ERBB4: variants seen among roughly 807,000 people sequenced by gnomAD.
ERBB4 encodes the protein erb-b2 receptor tyrosine kinase 4, also known as receptor tyrosine-protein kinase erbB-4.
A neutral mutation model predicts 158.0 loss-of-function variants in ERBB4; 42 were observed. That is an observed-to-expected ratio of 0.27 (90% confidence interval 0.21 to 0.34). ERBB4 has a LOEUF of 0.34. Among genes scored for constraint, ERBB4 ranks in the 10% least tolerant of loss-of-function variants. The pLI, the probability that ERBB4 is intolerant of heterozygous loss-of-function variation, is 1.00. For missense variants in ERBB4, 1,333 were observed against 1,624.1 expected (o/e 0.82, Z 3.08); for synonymous variants, 583 against 558.7 (o/e 1.04, Z -0.61).
At chr2:211,831,973 TAGAAACTAGACC>T (rs761719448) in intron 3 of ERBB4, among the ~76,000 whole-genome samples, 5 of 152,198 alleles carry the variant, frequency 3.3e-5, no homozygotes, top group Non-Finnish European at 5.9e-5. Context: ...TCTTTTTAAC[TAGAAACTAGACC>T]AGAAGTTCTG....
chr2:211,409,851 A>G (rs1054345078), intron 25 of ERBB4, among the ~76,000 whole-genome samples: 1 of 152,190 alleles, frequency 6.6e-6, no homozygotes, highest in Non-Finnish European at 1.5e-5. Context: ...CAGTATCAGT[A>G]TACACATATA....
rs1340829618 is a variant in ERBB4, at chr2:211,377,247, G to C, written c.*6368C>G. ...AAACCAGATTCGTGTCAATATACAG[G>C]AGGTATGATTTGCTTTCCTTCACAA... On this transcript the variant is annotated 3_prime_UTR_variant, in exon 28 of 28. Transcript: ENST00000342788. 2 of 233,014 alleles carry C rather than the reference G, an allele frequency of 8.6e-6. No individual in the cohort carries two copies. Among genetic ancestry groups the C allele is most frequent in the African/African-American group, 4.4e-5 (2 of 45,288 alleles). 14.4% of individuals were successfully genotyped at this position (233,014 alleles called of 1,614,324 possible). A position where few individuals can be genotyped will look rare whatever the true frequency, so the allele number is the denominator to read the frequency against.
intron 20 of ERBB4, among the ~76,000 whole-genome samples, chr2:211,449,527 T>C (rs193066212): frequency 1.7e-4 from 26 of 152,246 alleles, no homozygotes; most frequent in African/African-American, 4.6e-4. Context: ...TAAAACTCAA[T>C]AGACATAGTT....
intron 1 of ERBB4, among the ~76,000 whole-genome samples, chr2:212,354,081 C>A (rs2089368686): frequency 6.6e-6 from 1 of 152,106 alleles, no homozygotes; most frequent in Non-Finnish European, 1.5e-5. Context: ...CAGGATTGAT[C>A]TCTTACCTGG....
At chr2:211,711,243 A>G (rs1575029746) in intron 9 of ERBB4, among the ~76,000 whole-genome samples, 5 of 152,160 alleles carry the variant, frequency 3.3e-5, no homozygotes, top group Admixed American at 3.3e-4. Flanking sequence ...TATTCATAAT[A>G]TGTCAAATTA....
chr2:211,736,376 T>G (rs1015367244), intron 5 of ERBB4, among the ~76,000 whole-genome samples: 31 of 152,194 alleles, frequency 2.0e-4, no homozygotes, highest in Non-Finnish European at 4.0e-4. Context: ...CTGCCTTTTC[T>G]GGTCAATTTT....
At chr2:212,450,293 T>C (rs550044183) in intron 1 of ERBB4, among the ~76,000 whole-genome samples, 110 of 152,274 alleles carry the variant, frequency 7.2e-4, no homozygotes, top group Non-Finnish European at 1.2e-3. Flanking sequence ...TTAACTTACA[T>C]GGCAATAGGG....
At chr2:212,147,670 T>C (rs1017563825) in intron 1 of ERBB4, among the ~76,000 whole-genome samples, 3 of 152,196 alleles carry the variant, frequency 2.0e-5, no homozygotes, top group Non-Finnish European at 4.4e-5. Flanking sequence ...AGGATGTATG[T>C]ATTGAAAATC....
chr2:212,031,012 C>T (rs1304164144), intron 2 of ERBB4, among the ~76,000 whole-genome samples: 4 of 152,110 alleles, frequency 2.6e-5, no homozygotes, highest in African/African-American at 9.7e-5. Flanking sequence ...TCTTATCCAA[C>T]ATCCGTCTTC....
intron 1 of ERBB4, among the ~76,000 whole-genome samples, chr2:212,456,197 A>G (rs2106045408): frequency 6.6e-6 from 1 of 152,296 alleles, no homozygotes; most frequent in East Asian, 1.9e-4. Context: ...TTTCAAAAAC[A>G]GCTTCAAAAT....
At chr2:212,050,914 C>T (rs181213208) in intron 2 of ERBB4, among the ~76,000 whole-genome samples, 148 of 152,162 alleles carry the variant, frequency 9.7e-4, no homozygotes, top group African/African-American at 3.4e-3. Context: ...GTATTTCTGC[C>T]GTATGAACAA....
Position 211,478,579 on chromosome 2 carries a change from G to C in ERBB4, c.2488-47479C>G, listed in dbSNP as rs182846287. ...TTCCAATTAGAGGCAAAATAGATTTGATTTCAAAGCTTTTGAAACACTTCT... is the reference window on the plus strand; with the variant it reads ...TTCCAATTAGAGGCAAAATAGATTTCATTTCAAAGCTTTTGAAACACTTCT... On this transcript the variant is annotated intron_variant, in intron 20 of 27. Transcript: ENST00000342788. 2.0e-5 allele frequency among the ~76,000 whole-genome samples: 3 copies of C among 152,082 alleles called. No homozygotes were observed. In the East Asian group the frequency reaches 5.8e-4, roughly 29 times the overall value.
chr2:211,430,851 C>A, intron 21 of ERBB4, 94 bp downstream of exon 21: 1 of 1,108,664 alleles, frequency 9.0e-7, no homozygotes, highest in Non-Finnish European at 1.4e-6. Context: ...ATCTCCTAAG[C>A]TTCAGGCTTA....
intron 19 of ERBB4, among the ~76,000 whole-genome samples, chr2:211,593,193 G>C (rs941841078): frequency 6.6e-6 from 1 of 152,130 alleles, no homozygotes; most frequent in African/African-American, 2.4e-5. Flanking sequence ...TAAAGTTACT[G>C]ACGATGGAAC....
chr2:211,590,525 C>G (rs2068428932), intron 19 of ERBB4, among the ~76,000 whole-genome samples: 1 of 152,040 alleles, frequency 6.6e-6, no homozygotes, highest in Non-Finnish European at 1.5e-5. Context: ...TCTTGTGACT[C>G]CCATCCAGGA....
chr2:212,325,897 G>A (rs548619290), intron 1 of ERBB4, among the ~76,000 whole-genome samples: 3 of 150,508 alleles, frequency 2.0e-5, no homozygotes, highest in African/African-American at 7.3e-5. Flanking sequence ...GAAATTGTTT[G>A]CTCATAATTT....
chr2:212,052,460 C>T (rs1221382277), intron 2 of ERBB4, among the ~76,000 whole-genome samples: 2 of 152,216 alleles, frequency 1.3e-5, no homozygotes, highest in Non-Finnish European at 2.9e-5. Flanking sequence ...TTCATATACA[C>T]ATCTATCCTA....
intron 13 of ERBB4, among the ~76,000 whole-genome samples, chr2:211,677,071 T>A (rs2072104277): frequency 6.6e-6 from 1 of 152,180 alleles, no homozygotes; most frequent in African/African-American, 2.4e-5. Flanking sequence ...TATTAATATT[T>A]TCCCTTATAT....
chr2:212,516,192 G>A (rs184011600), intron 1 of ERBB4, among the ~76,000 whole-genome samples: 11 of 151,956 alleles, frequency 7.2e-5, no homozygotes, highest in African/African-American at 2.6e-4. Flanking sequence ...TGTGCAAAAT[G>A]TTATTAGTAC....
Sources: gnomAD v4.1 joint callset for allele counts (sites outside exome capture counted in the v4.1 genomes callset) on GRCh38, gnomAD v4.1.1 for gene constraint, MANE v1.5 for transcripts, NCBI Gene and HGNC (gene_info 2026-07-23, HGNC 2026-07-21) for gene names.